Variants in PFKFB4 observed in about 807,000 individuals in gnomAD.
The protein encoded by PFKFB4 is 6-phosphofructo-2-kinase/fructose-2,6-biphosphatase 4, also known as 6-phosphofructo-2-kinase/fructose-2,6-bisphosphatase 4.
PFKFB4 carries 42 observed loss-of-function variants against 62.8 expected under a neutral mutation model. The ratio of observed to expected loss-of-function variants is 0.67; its 90% confidence interval spans 0.52 to 0.86. PFKFB4 has a LOEUF of 0.86. PFKFB4 is among the 40% of genes least tolerant of loss of function. PFKFB4 has a pLI of 0.00. For synonymous variants in PFKFB4, 204 were observed against 240.7 expected (o/e 0.85, Z 1.41); for missense variants, 475 against 627.2 (o/e 0.76, Z 2.59).
chr3:48,531,319 G>A (rs2042419305), intron 9 of PFKFB4, among the ~76,000 whole-genome samples: 1 of 151,924 alleles, frequency 6.6e-6, no homozygotes, highest in South Asian at 2.1e-4. Flanking sequence ...CCAACATGGA[G>A]AAACTCCGTC....
At position 48,525,652 on chromosome 3, in the gene PFKFB4, C is replaced by T. The variant is rs766573522; in HGVS notation, c.1005G>A (p.Met335Ile). Residue 335 changes from methionine to isoleucine, a missense_variant, in exon 10 of 14, where the codon ATG (methionine) becomes ATA (isoleucine). Physicochemically the swap from Met to Ile is conservative, Grantham distance 10. Transcript: ENST00000232375. ...NEIDAGVCEE[M>I]TYEEIQDNYP... ...AATTATCCTGAATTTCCTCGTAGGT[C>T]ATTTCCTCACAGACGCCCTAGGGAG... 6.2e-7 allele frequency: 1 copy of T among 1,604,636 alleles called. No homozygotes were observed. The highest frequency in any genetic ancestry group is 1.7e-5 in the Admixed American group (1 of 59,516).
rs1051441003 is a variant in PFKFB4, at chr3:48,538,524, G to A, written c.606C>T (p.Tyr202=). 8.1e-6 allele frequency: 13 copies of A among 1,613,958 alleles called. No homozygotes were observed. Among genetic ancestry groups the A allele is most frequent in the South Asian group, 2.2e-5 (2 of 91,086 alleles). The part of the protein sequence containing the change: ...MRRIECYENS[Y]ESLDEDLDRD... The stretch of plus-strand genomic sequence containing the variant: ...TATCCAGGTCCTCATCTAGCGACTC[G>A]TAGGAGTTCTCATAGCACTCAATGC... Residue 202 remains tyrosine, a synonymous_variant, in exon 7 of 14, where the codon TAC becomes TAT. Transcript: ENST00000232375.
chr3:48,543,819 A>C (rs1023105856), intron 3 of PFKFB4, among the ~76,000 whole-genome samples, 173 bp from the exon 4 acceptor site: 1 of 152,142 alleles, frequency 6.6e-6, no homozygotes, highest in Non-Finnish European at 1.5e-5. Flanking sequence ...GTGTTTGGCT[A>C]ACTCTGCTCC....
At chr3:48,546,404 C>T (rs1490389566) in intron 3 of PFKFB4, among the ~76,000 whole-genome samples, 1 of 152,124 alleles carries the variant, frequency 6.6e-6, no homozygotes, top group Non-Finnish European at 1.5e-5. Flanking sequence ...TGCCATGTGA[C>T]TGTGTGAGAA....
In PFKFB4 at chr3:48,536,358, G is replaced by A. The variant is rs759038751; in HGVS notation, c.738C>T (p.His246=). ...SRIVYYLMNI[H]VTPRSIYLCR... The stretch of plus-strand genomic sequence containing the variant: ...AGAGGTAGATGGAGCGGGGGGTCAC[G>A]TGGATGTTCATGAGGTAATATACGA... Residue 246 remains histidine (H), a synonymous_variant, in exon 8 of 14, where the codon CAC becomes CAT. Transcript: ENST00000232375. 1.4e-5 allele frequency: 23 copies of A among 1,614,110 alleles called. No homozygotes were observed. In the East Asian group the frequency reaches 1.8e-4, roughly 13 times the overall value.
intron 1 of PFKFB4, among the ~76,000 whole-genome samples, chr3:48,554,821 G>C (rs2043262552): frequency 6.6e-6 from 1 of 152,108 alleles, no homozygotes; most frequent in African/African-American, 2.4e-5. Context: ...GGAGGCCAAG[G>C]GGGGCAGATC....
In PFKFB4 at chr3:48,556,116, G is replaced by A. The variant is rs776834226; in HGVS notation, c.97+565C>T. 3.1e-5 allele frequency: 14 copies of A among 456,642 alleles called. 1 individual carries two copies. Among genetic ancestry groups the A allele is most frequent in the South Asian group, 1.7e-4 (11 of 64,574 alleles). 28.3% of individuals were successfully genotyped at this position (456,642 alleles called of 1,614,324 possible). ...CCGGGACACAGACACAGGCCCACACGGCATACTTTTCTGTCTCTATCCTGA... is the reference window on the plus strand; with the variant it reads ...CCGGGACACAGACACAGGCCCACACAGCATACTTTTCTGTCTCTATCCTGA... On this transcript the variant is annotated intron_variant, in intron 1 of 13. Transcript: ENST00000232375. The surrounding 1 kb of genome is among the most constrained non-coding windows in gnomAD (Gnocchi z 5.7).
rs1011118320 is a variant in PFKFB4, at chr3:48,549,847, C to G, written c.311+17G>C. 6.6e-7 allele frequency: 1 copy of G among 1,510,572 alleles called. No homozygotes were observed. The highest frequency in any genetic ancestry group is 9.2e-7 in the Non-Finnish European group (1 of 1,085,588). 93.6% of individuals were successfully genotyped at this position (1,510,572 alleles called of 1,614,324 possible). A position where few individuals can be genotyped will look rare whatever the true frequency, so the allele number is the denominator to read the frequency against. On this transcript the variant is annotated intron_variant, in intron 3 of 13. Transcript: ENST00000232375. ...CCCCCAGCAACCTCTCCCCCCACAC[C>G]CAACACATATACTTACTTCCTGATT...
Position 48,523,765 on chromosome 3 carries a change from C to T in PFKFB4, c.1158G>A (p.Val386=), listed in dbSNP as rs1422398234. 1.2e-6 allele frequency: 2 copies of T among 1,614,104 alleles called. No individual in the cohort carries two copies. The highest frequency in any genetic ancestry group is 1.7e-6 in the Non-Finnish European group (2 of 1,180,046). The change falls in exon 11 of 14, where the codon GTG becomes GTA. Residue 386 remains valine, a synonymous_variant. Transcript: ENST00000232375. ...VIMELERQEN[V]LVICHQAVMR... Reference sequence around the variant, plus strand: ...TCACAGCCTGGTGGCAGATGACCAGCACATTCTCTTGCCTCTCCAGCTCCA... The same window carrying T: ...TCACAGCCTGGTGGCAGATGACCAGTACATTCTCTTGCCTCTCCAGCTCCA...
chr3:48,557,881 C>T (rs1311985406), upstream of PFKFB4, among the ~76,000 whole-genome samples: 2 of 152,152 alleles, frequency 1.3e-5, no homozygotes, highest in Non-Finnish European at 2.9e-5. Context: ...CTCACTAAGC[C>T]CTGGGAGTAT....
At chr3:48,536,785 C>T (rs1322574398) in intron 7 of PFKFB4, 1 of 343,744 alleles carries the variant, frequency 2.9e-6, no homozygotes. Flanking sequence ...TCCCTGGGGC[C>T]CCTGTTGGCC....
At chr3:48,542,575 T>C (rs922347834) in intron 4 of PFKFB4, among the ~76,000 whole-genome samples, 3 of 151,932 alleles carry the variant, frequency 2.0e-5, no homozygotes, top group African/African-American at 7.3e-5. Context: ...GGACCATGTA[T>C]GGTGGAGAGA....
intron 3 of PFKFB4, among the ~76,000 whole-genome samples, chr3:48,548,894 C>A (rs1411745470): frequency 6.6e-6 from 1 of 152,194 alleles, no homozygotes; most frequent in East Asian, 1.9e-4. Flanking sequence ...AAGGTCCAAG[C>A]CCCACAGCAG....
At chr3:48,541,477 T>G (rs1464372048) in intron 4 of PFKFB4, among the ~76,000 whole-genome samples, 1 of 151,910 alleles carries the variant, frequency 6.6e-6, no homozygotes, top group East Asian at 1.9e-4. Flanking sequence ...AGTCTCGCTA[T>G]GTAAGCTGGT....
rs141427003 is a variant in PFKFB4, at chr3:48,522,952, G to A, written c.1285+585C>T. On this transcript the variant is annotated intron_variant, in intron 12 of 13. Transcript: ENST00000232375. ...ATTTTTTTGTATTTTTAGTAGAGAT[G>A]GGGTTTCACCATGTTAGCCAGGAGG... is the stretch of plus-strand genomic sequence containing the variant. Among the ~76,000 whole-genome samples, 1,155 of 151,862 alleles carry A rather than the reference G, an allele frequency of 7.6e-3. 15 individuals are homozygous for A. The highest frequency in any genetic ancestry group is 0.027 in the African/African-American group (1,106 of 41,466).
intron 8 of PFKFB4, 124 bp from the exon 9 acceptor site, chr3:48,535,782 A>C: frequency 8.8e-7 from 1 of 1,141,796 alleles, no homozygotes; most frequent in Non-Finnish European, 1.3e-6. Flanking sequence ...GGTAAAAAGC[A>C]TGAACTAACT....
At chr3:48,555,791 C>T (rs2043295645) in intron 1 of PFKFB4, among the ~76,000 whole-genome samples, 1 of 151,912 alleles carries the variant, frequency 6.6e-6, no homozygotes, top group African/African-American at 2.4e-5. Context: ...ATAATCCCAG[C>T]TAATCGGGAG....
rs540019426 is a variant in PFKFB4 at position 48,529,208 on chromosome 3, T to C, written c.988-3539A>G. 4.6e-5 allele frequency among the ~76,000 whole-genome samples: 7 copies of C among 152,206 alleles called. No individual in the cohort carries two copies. The South Asian group carries it at 1.2e-3, about 27-fold the overall frequency. ...GTGCGCCACCACAAATGGCCTGAACTGTATATTTTAAATGGGTGAATTCTA... is the reference window on the plus strand; with the variant it reads ...GTGCGCCACCACAAATGGCCTGAACCGTATATTTTAAATGGGTGAATTCTA... On this transcript the variant is annotated intron_variant, in intron 9 of 13. Transcript: ENST00000232375.
At chr3:48,526,237 CAGAG>C (rs1056426674) in intron 9 of PFKFB4, among the ~76,000 whole-genome samples, 10 of 141,572 alleles carry the variant, frequency 7.1e-5, no homozygotes, top group Admixed American at 7.0e-4. Context: ...GCCTGGGCAA[CAGAG>C]AGAGACTCCC....
Sources: gnomAD v4.1 joint callset for allele counts (sites outside exome capture counted in the v4.1 genomes callset) on GRCh38, gnomAD v4.1.1 for gene constraint, Gnocchi (gnomAD v3.1) non-coding constraint, MANE v1.5 for transcripts, NCBI Gene and HGNC (gene_info 2026-07-23, HGNC 2026-07-21) for gene names.